The following FOCAD variants were observed in gnomAD, a reference collection of about 807,000 sequenced individuals.
FOCAD encodes KIAA1797.
FOCAD carries 198 observed loss-of-function variants against 225.6 expected under a neutral mutation model. That is an observed-to-expected ratio of 0.88 (90% confidence interval 0.78 to 0.99). FOCAD has a LOEUF of 0.99. Among genes scored for constraint, FOCAD ranks in the 50% least tolerant of loss-of-function variants. The pLI is 0.00. For missense variants in FOCAD, 2,713 were observed against 2,123.6 expected (o/e 1.28, Z -5.46); for synonymous variants, 897 against 755.0 (o/e 1.19, Z -3.08).
In FOCAD at chr9:20,713,171, A is replaced by C. The variant is rs529009774; in HGVS notation, c.-32-2151A>C. Among the ~76,000 whole-genome samples the C allele has an allele frequency of 1.3e-4, 20 of 152,262 alleles. No homozygotes were observed. The South Asian group carries it at 4.1e-3, about 32-fold the overall frequency. On this transcript the variant is annotated intron_variant, in intron 1 of 43. Coordinates refer to ENST00000338382, the MANE Select transcript of FOCAD (RefSeq NM_001375567.1). Reference sequence around the variant, plus strand: ...TCTTTGTGCAGTAGCTTTCCATTTCACTCAGGATAAGTGTGTCAGTCCCTG... The same window carrying C: ...TCTTTGTGCAGTAGCTTTCCATTTCCCTCAGGATAAGTGTGTCAGTCCCTG...
intron 5 of FOCAD, among the ~76,000 whole-genome samples, chr9:20,749,482 T>C (rs11998941): frequency 0.059 from 8,953 of 152,258 alleles, 478 homozygotes; most frequent in African/African-American, 0.14. Context: ...GGTGGAATCT[T>C]CATAATTTTT....
chr9:20,755,336 A>G (rs938274512), intron 5 of FOCAD, among the ~76,000 whole-genome samples: 2 of 152,212 alleles, frequency 1.3e-5, no homozygotes, highest in Non-Finnish European at 2.9e-5. Context: ...GCTGAATCCA[A>G]TAGCTAGCAA....
chr9:20,784,314 C>G (rs971224718), intron 10 of FOCAD, among the ~76,000 whole-genome samples: 1 of 152,216 alleles, frequency 6.6e-6, no homozygotes, highest in African/African-American at 2.4e-5. Flanking sequence ...CTTGCAGTGT[C>G]TCTCCTATGC....
intron 6 of FOCAD, 33 bp from the exon 7 acceptor site, chr9:20,764,836 C>T (rs1328367586): frequency 1.9e-6 from 3 of 1,559,904 alleles, no homozygotes; most frequent in Non-Finnish European, 2.6e-6. Flanking sequence ...GTGTTTAACT[C>T]AATAACTGGC....
chr9:20,881,283 T>C (rs1246956832), intron 19 of FOCAD, among the ~76,000 whole-genome samples: 2 of 152,222 alleles, frequency 1.3e-5, no homozygotes, highest in Non-Finnish European at 2.9e-5. Context: ...AAAGAGGCCA[T>C]ATGTAAGTGT....
intron 8 of FOCAD, among the ~76,000 whole-genome samples, chr9:20,773,084 A>G (rs1045906865): frequency 4.6e-5 from 7 of 152,178 alleles, no homozygotes; most frequent in Non-Finnish European, 7.3e-5. Context: ...TGTAATATCC[A>G]TGGGTAAAAC....
chr9:20,950,714 T>G (rs1837607554), intron 33 of FOCAD, among the ~76,000 whole-genome samples: 1 of 152,204 alleles, frequency 6.6e-6, no homozygotes, highest in South Asian at 2.1e-4. Context: ...AAAATTTATT[T>G]GAGACCAGTC....
At chr9:20,983,931 A>G (rs1320647161) in intron 39 of FOCAD, among the ~76,000 whole-genome samples, 2 of 152,184 alleles carry the variant, frequency 1.3e-5, no homozygotes, top group Non-Finnish European at 2.9e-5. Flanking sequence ...TCCTATTATT[A>G]CATTCATGTA....
At chr9:20,775,965 C>G (rs1386646128) in intron 8 of FOCAD, among the ~76,000 whole-genome samples, 2 of 151,242 alleles carry the variant, frequency 1.3e-5, no homozygotes, top group East Asian at 3.9e-4. Context: ...CTGAGTTTCC[C>G]TAAAGGCAAA....
rs116930017 is a variant in FOCAD at position 20,770,907 on chromosome 9, T to C, written c.906+669T>C. ...TATTCATGCAGAACATATAGTAATA[T>C]GCCAGGCTTTATAGAATACATAGAT... is the stretch of plus-strand genomic sequence containing the variant. On this transcript the variant is annotated intron_variant, in intron 8 of 43. Transcript: ENST00000338382. Among the ~76,000 whole-genome samples the C allele has an allele frequency of 4.9e-3, 752 of 152,336 alleles. 8 individuals are homozygous for C. Among genetic ancestry groups the C allele is most frequent in the Non-Finnish European group, 5.6e-3 (382 of 68,030 alleles).
chr9:20,959,551 T>A (rs188295646), intron 35 of FOCAD, among the ~76,000 whole-genome samples: 112 of 152,264 alleles, frequency 7.4e-4, no homozygotes, highest in Non-Finnish European at 1.2e-3. Context: ...TGTAATCCCA[T>A]TTATTTTTGC....
chr9:20,853,471 C>G (rs1305839411), intron 15 of FOCAD, among the ~76,000 whole-genome samples: 1 of 151,668 alleles, frequency 6.6e-6, no homozygotes, highest in Non-Finnish European at 1.5e-5. Context: ...TTCAGAAATA[C>G]AGAATAATTT....
intron 28 of FOCAD, among the ~76,000 whole-genome samples, chr9:20,942,717 C>G (rs1035864969): frequency 3.3e-5 from 5 of 152,092 alleles, no homozygotes; most frequent in East Asian, 1.9e-4. Context: ...CTAGGTGCAG[C>G]AGATACTGTG....
intron 15 of FOCAD, among the ~76,000 whole-genome samples, chr9:20,834,127 GAAC>G (rs1825764028): frequency 2.0e-5 from 3 of 152,034 alleles, no homozygotes; most frequent in African/African-American, 7.2e-5. Context: ...TCATAAAAAA[GAAC>G]AACATCATGT....
At chr9:20,889,852 G>A (rs1047596981) in intron 21 of FOCAD, among the ~76,000 whole-genome samples, 2 of 152,108 alleles carry the variant, frequency 1.3e-5, no homozygotes, top group Non-Finnish European at 2.9e-5. Flanking sequence ...TGGTAATAGA[G>A]TATCTAGACC....
chr9:20,717,989 G>A (rs1012034449), intron 3 of FOCAD, 121 bp downstream of exon 3: 8 of 683,948 alleles, frequency 1.2e-5, no homozygotes, highest in African/African-American at 9.1e-5. Flanking sequence ...TTTGAACTGT[G>A]AGAACTTCAT....
At chr9:20,825,173 G>GTT (rs1187488921) in intron 15 of FOCAD, among the ~76,000 whole-genome samples, 1 of 151,020 alleles carries the variant, frequency 6.6e-6, no homozygotes, top group African/African-American at 2.5e-5. Flanking sequence ...GTGTGTGTGT[G>GTT]TGTGTGTGTG....
chr9:20,835,646 C>T (rs1825919986), intron 15 of FOCAD, among the ~76,000 whole-genome samples: 1 of 152,016 alleles, frequency 6.6e-6, no homozygotes, highest in Non-Finnish European at 1.5e-5. Context: ...AGAAGAAATA[C>T]AGGATGTGCC....
In FOCAD at chr9:20,770,131, C is replaced by T; in HGVS notation, c.799C>T (p.Gln267Ter). The change falls in exon 8 of 44, where the codon CAG (glutamine) becomes TAG (stop). Residue 267 changes from glutamine (Q) to a stop codon, truncating the protein, a stop_gained. Coordinates refer to ENST00000338382, the MANE Select transcript of FOCAD (RefSeq NM_001375567.1). LOFTEE classifies it high-confidence loss of function. ...TGTTTTCTGGAAAATTCAGCTTACC[C>T]AGATGAGTCTTCAGCTGCTGTGTGT... ...HPVFWKIQLT[Q>*]MSLQLLCVSE... 6.2e-7 allele frequency: 1 copy of T among 1,614,060 alleles called. No individual in the cohort carries two copies. The highest frequency in any genetic ancestry group is 1.7e-5 in the Admixed American group (1 of 59,988).
Sources: allele counts gnomAD v4.1 joint callset (sites outside exome capture counted in the v4.1 genomes callset), GRCh38; gene constraint gnomAD v4.1.1; transcripts MANE v1.5; gene names NCBI Gene and HGNC (gene_info 2026-07-23, HGNC 2026-07-21).